The following ARHGAP15 variants were observed in gnomAD, a reference collection of about 807,000 sequenced individuals.
ARHGAP15 encodes Rho GTPase activating protein 15.
Under a neutral mutation model 63.7 loss-of-function variants are expected in ARHGAP15, and 51 were observed. The ratio of observed to expected loss-of-function variants is 0.80; its 90% confidence interval spans 0.64 to 1.01. ARHGAP15 has a LOEUF of 1.01. Among genes scored for constraint, ARHGAP15 ranks in the 50% least tolerant of loss-of-function variants. ARHGAP15 has a pLI of 0.00. For synonymous variants in ARHGAP15, 191 were observed against 193.8 expected (o/e 0.99, Z 0.12); for missense variants, 560 against 564.6 (o/e 0.99, Z 0.08).
At chr2:143,466,937 C>A (rs1691242980) in intron 8 of ARHGAP15, among the ~76,000 whole-genome samples, 1 of 152,062 alleles carries the variant, frequency 6.6e-6, no homozygotes, top group Non-Finnish European at 1.5e-5. Flanking sequence ...GAGTAAAATT[C>A]ATATGGTTTT....
At chr2:143,536,267 T>C (rs1694754941) in intron 10 of ARHGAP15, among the ~76,000 whole-genome samples, 1 of 152,336 alleles carries the variant, frequency 6.6e-6, no homozygotes, top group African/African-American at 2.4e-5. Context: ...AGGTCAACCT[T>C]TTTGAATTCC....
At chr2:143,173,857 T>G (rs1690902996) in intron 2 of ARHGAP15, among the ~76,000 whole-genome samples, 1 of 152,026 alleles carries the variant, frequency 6.6e-6, no homozygotes, top group Admixed American at 6.6e-5. Context: ...TATGTTAGAT[T>G]TTACCCACTT....
chr2:143,142,023 C>A (rs999077384), intron 1 of ARHGAP15, among the ~76,000 whole-genome samples: 1 of 152,146 alleles, frequency 6.6e-6, no homozygotes, highest in South Asian at 2.1e-4. Context: ...TTACCATACA[C>A]ACCTGGATCA....
intron 11 of ARHGAP15, among the ~76,000 whole-genome samples, chr2:143,561,515 CTT>C (rs34149132): frequency 6.4e-4 from 88 of 138,092 alleles, no homozygotes; most frequent in Non-Finnish European, 7.5e-4. Context: ...TTTTCTTTTT[CTT>C]TTTTTTTTTT....
chr2:143,510,170 C>T (rs1693518071), intron 9 of ARHGAP15, among the ~76,000 whole-genome samples: 1 of 151,804 alleles, frequency 6.6e-6, no homozygotes, highest in South Asian at 2.1e-4. Context: ...TTGCTGAAAT[C>T]ACCCATGTTT....
chr2:143,250,385 T>A (rs1159081422), intron 5 of ARHGAP15, 126 bp from the exon 6 acceptor site: 1 of 606,000 alleles, frequency 1.7e-6, no homozygotes, highest in African/African-American at 1.9e-5. Flanking sequence ...AGGTTTCCCC[T>A]GGGGAAAACA....
rs73964513 is a variant in ARHGAP15 at position 143,452,074 on chromosome 2, C to T, written c.703+15032C>T. Among the ~76,000 whole-genome samples, 794 of 152,010 alleles carry T rather than the reference C, an allele frequency of 5.2e-3. 2 individuals carry two copies. Among genetic ancestry groups the T allele is most frequent in the African/African-American group, 0.018 (732 of 41,500 alleles). On this transcript the variant is annotated intron_variant, in intron 8 of 13. Coordinates refer to ENST00000295095, the MANE Select transcript of ARHGAP15 (RefSeq NM_018460.4). ...ACTTCAATTTACATTGGATGTGAAG[C>T]CCCTGGTGAAAAATATTCAGATGAG...
At chr2:143,377,543 G>A (rs911209730) in intron 6 of ARHGAP15, among the ~76,000 whole-genome samples, 2 of 151,838 alleles carry the variant, frequency 1.3e-5, no homozygotes, top group Admixed American at 6.6e-5. Flanking sequence ...GGGATCTGAA[G>A]CTAGTTTTGT....
At chr2:143,291,836 G>A (rs953771099) in intron 6 of ARHGAP15, among the ~76,000 whole-genome samples, 12 of 152,134 alleles carry the variant, frequency 7.9e-5, no homozygotes, top group African/African-American at 1.4e-4. Flanking sequence ...TGAGACTAGC[G>A]CTGAAAAGAA....
intron 6 of ARHGAP15, among the ~76,000 whole-genome samples, chr2:143,373,315 C>T (rs1022861125): frequency 1.3e-5 from 2 of 151,996 alleles, no homozygotes; most frequent in African/African-American, 2.4e-5. Flanking sequence ...TGTGCTTAAC[C>T]GTCACATTTG....
At chr2:143,393,959 A>G (rs1223797654) in intron 6 of ARHGAP15, among the ~76,000 whole-genome samples, 1 of 152,128 alleles carries the variant, frequency 6.6e-6, no homozygotes, top group Non-Finnish European at 1.5e-5. Context: ...GAGCTGGAGG[A>G]TGGAACCCCC....
At chr2:143,472,143 A>G (rs1023935419) in intron 8 of ARHGAP15, 2 of 152,196 alleles carry the variant, frequency 1.3e-5, no homozygotes, top group East Asian at 3.8e-4. Flanking sequence ...ATCTGATGCA[A>G]TTCTGATCAT....
intron 6 of ARHGAP15, among the ~76,000 whole-genome samples, chr2:143,358,542 AGAG>A (rs1174757413): frequency 6.6e-6 from 1 of 151,658 alleles, no homozygotes; most frequent in Non-Finnish European, 1.5e-5. Flanking sequence ...TAAAAAAAAA[AGAG>A]GAAGCATTTA....
intron 12 of ARHGAP15, among the ~76,000 whole-genome samples, chr2:143,634,821 C>G (rs1680222212): frequency 6.6e-6 from 1 of 152,038 alleles, no homozygotes; most frequent in African/African-American, 2.4e-5. Context: ...AAGCCCAACC[C>G]CACTTGGATA....
At chr2:143,550,378 G>T (rs2105071812) in intron 10 of ARHGAP15, among the ~76,000 whole-genome samples, 1 of 152,254 alleles carries the variant, frequency 6.6e-6, no homozygotes. Flanking sequence ...ATACTTTTAT[G>T]AATCAAGAAA....
chr2:143,279,323 T>C (rs1210845030), intron 6 of ARHGAP15, among the ~76,000 whole-genome samples: 2 of 152,172 alleles, frequency 1.3e-5, no homozygotes, highest in African/African-American at 4.8e-5. Flanking sequence ...GATTTTCAAG[T>C]ATTGCGTCTG....
At chr2:143,188,784 C>T (rs1262016285) in intron 2 of ARHGAP15, among the ~76,000 whole-genome samples, 1 of 151,890 alleles carries the variant, frequency 6.6e-6, no homozygotes, top group African/African-American at 2.4e-5. Context: ...CCATGCCCGG[C>T]TAATTATTTT....
intron 5 of ARHGAP15, chr2:143,237,908 T>C (rs1466554576): frequency 1.3e-5 from 2 of 152,210 alleles, no homozygotes; most frequent in African/African-American, 4.8e-5. Flanking sequence ...CTAATATGTA[T>C]TTTTAATCAG....
intron 6 of ARHGAP15, among the ~76,000 whole-genome samples, chr2:143,362,730 C>G (rs1443968200): frequency 6.6e-6 from 1 of 152,210 alleles, no homozygotes; most frequent in Non-Finnish European, 1.5e-5. Context: ...ACTCTAACTA[C>G]TTGGTTGTAC....
Sources: allele counts gnomAD v4.1 joint callset (sites outside exome capture counted in the v4.1 genomes callset), GRCh38; gene constraint gnomAD v4.1.1; transcripts MANE v1.5; gene names NCBI Gene and HGNC (gene_info 2026-07-23, HGNC 2026-07-21).